The following MDM4 variants were observed in gnomAD, a reference collection of about 807,000 sequenced individuals.
The protein encoded by MDM4 is protein Mdm4.
In MDM4, 2 loss-of-function variants were observed where a neutral mutation model predicts 60.2. The ratio of observed to expected loss-of-function variants is 0.03; its 90% CI spans 0.01 to 0.10. MDM4 has a LOEUF of 0.10. Ranked by LOEUF, MDM4 falls within the 10% of genes least tolerant of loss-of-function variation. The probability of loss-of-function intolerance (pLI) is 1.00; values close to 1 mark genes in which losing one functional copy is unlikely to be tolerated. For missense variants in MDM4, 447 were observed against 577.5 expected (o/e 0.77, Z 2.32); for synonymous variants, 202 against 198.1 (o/e 1.02, Z -0.17).
At chr1:204,529,752 T>C in intron 3 of MDM4, 1 of 444,726 alleles carries the variant, frequency 2.2e-6, no homozygotes, top group Non-Finnish European at 4.1e-6. Context: ...TATATCATTA[T>C]AGTGGTTATG....
intron 3 of MDM4, chr1:204,529,575 A>G: frequency 1.4e-6 from 2 of 1,425,482 alleles, no homozygotes; most frequent in East Asian, 4.9e-5. Context: ...ACCAGGGGGT[A>G]GCACGCTGCC....
intron 5 of MDM4, chr1:204,532,574 G>A (rs1464856278): frequency 2.1e-5 from 12 of 580,680 alleles, no homozygotes; most frequent in Non-Finnish European, 3.6e-5. Context: ...AATTTAACAT[G>A]TAATTCCATA....
intron 7 of MDM4, among the ~76,000 whole-genome samples, chr1:204,540,368 T>G (rs1488457069): frequency 6.6e-6 from 1 of 152,128 alleles, no homozygotes; most frequent in African/African-American, 2.4e-5. Flanking sequence ...CCAGAAAAAT[T>G]GTTTTTGCCC....
At chr1:204,522,266 G>T (rs1395265197) in intron 1 of MDM4, among the ~76,000 whole-genome samples, 1 of 152,068 alleles carries the variant, frequency 6.6e-6, no homozygotes, top group Non-Finnish European at 1.5e-5. Flanking sequence ...AGGTTGAAAG[G>T]CTGCAGTGAG....
intron 5 of MDM4, among the ~76,000 whole-genome samples, chr1:204,533,206 A>G (rs1003819992): frequency 6.6e-6 from 1 of 152,232 alleles, no homozygotes; most frequent in African/African-American, 2.4e-5. Flanking sequence ...GGAGTCTCCA[A>G]AATGGTGGTC....
At chr1:204,529,715 A>T (rs796842460) in intron 3 of MDM4, 21 of 531,392 alleles carry the variant, frequency 4.0e-5, no homozygotes, top group African/African-American at 3.6e-4. Context: ...GACGTCACAC[A>T]CAGGCAAGGG....
In MDM4 at chr1:204,538,210, A is replaced by G. The variant is rs755704621; in HGVS notation, c.413A>G (p.Gln138Arg). Residue 138 changes from glutamine (Q) to arginine (R), a missense_variant and splice_region_variant, in exon 7 of 11, where the codon CAA becomes CGA. Gln to Arg is a conservative substitution (Grantham distance 43). Transcript: ENST00000367182. The part of the protein sequence containing the change: ...MDIPSQDQLK[Q>R]SAEESSTSRK... Reference sequence around the variant, plus strand: ...ATGGACACCTTTCCCTTCTTTCAGCAAAGTGCAGAGGAAAGTTCCACTTCC... The same window carrying G: ...ATGGACACCTTTCCCTTCTTTCAGCGAAGTGCAGAGGAAAGTTCCACTTCC... 1.9e-6 allele frequency: 3 copies of G among 1,589,668 alleles called. No homozygotes were observed. The highest frequency in any genetic ancestry group is 2.2e-5 in the South Asian group (2 of 90,486).
At position 204,540,695 on chromosome 1, in the gene MDM4, A is replaced by C. The variant is rs148736855; in HGVS notation, c.512-2089A>C. Among the ~76,000 whole-genome samples, 908 of 151,666 alleles carry C rather than the reference A, an allele frequency of 6.0e-3. 11 individuals are homozygous for C. Among genetic ancestry groups the C allele is most frequent in the African/African-American group, 0.02 (841 of 41,350 alleles). The stretch of plus-strand genomic sequence containing the variant: ...GGATAATTGCTTGAACCCGGGAGGC[A>C]GAGGTTGCAGTGAGCCGAGATCGCG... On this transcript the variant is annotated intron_variant, in intron 7 of 10. Transcript: ENST00000367182.
rs775511156 is a variant in MDM4, at chr1:204,556,897, A to G, written c.*7215A>G. On this transcript the variant is annotated 3_prime_UTR_variant, in exon 11 of 11. Transcript: ENST00000367182. The stretch of plus-strand genomic sequence containing the variant: ...ACTTGGCAAGGTAGACCTCATAGCA[A>G]CCTTGAATATGACTTTCTTTAGTCT... 2.9e-5 allele frequency: 6 copies of G among 208,768 alleles called. No homozygotes were observed. Among genetic ancestry groups the G allele is most frequent in the African/African-American group, 1.4e-4 (6 of 43,928 alleles). 12.9% of individuals were successfully genotyped at this position (208,768 alleles called of 1,614,324 possible). A position where few individuals can be genotyped will look rare whatever the true frequency, so the allele number is the denominator to read the frequency against.
intron 3 of MDM4, 91 bp downstream of exon 3, chr1:204,526,525 G>T (rs2102324416): frequency 1.1e-6 from 1 of 906,160 alleles, no homozygotes; most frequent in Non-Finnish European, 1.7e-6. Context: ...GTGCAGTGGT[G>T]CGATCTCAGA....
chr1:204,529,148 G>T, intron 3 of MDM4: 2 of 996,700 alleles, frequency 2.0e-6, no homozygotes, highest in Non-Finnish European at 1.6e-6. Context: ...TTCCACTGCT[G>T]GATGAATTTC....
At chr1:204,540,240 GT>G (rs1466427106) in intron 7 of MDM4, among the ~76,000 whole-genome samples, 1 of 151,196 alleles carries the variant, frequency 6.6e-6, no homozygotes, top group Non-Finnish European at 1.5e-5. Flanking sequence ...AGCCGAGATT[GT>G]GCCACTGCAC....
intron 3 of MDM4, chr1:204,529,157 TC>T: frequency 2.1e-6 from 2 of 934,064 alleles, no homozygotes; most frequent in Admixed American, 3.8e-5. Flanking sequence ...TGGATGAATT[TC>T]CACAGGGCTG....
At chr1:204,546,771 C>G in intron 9 of MDM4, 26 bp from the exon 10 acceptor site, 1 of 1,514,702 alleles carries the variant, frequency 6.6e-7, no homozygotes, top group South Asian at 1.1e-5. Flanking sequence ...GTAAACATTA[C>G]TAATGAGATG....
chr1:204,549,668 G>A lies in MDM4; in HGVS notation c.1459G>A (p.Val487Ile). ...GAAAGAGATTCAGCTGGTTATTAAG[G>A]TTTTTATAGCATAATGGTAGTACGA... is the stretch of plus-strand genomic sequence containing the variant. ...CKKEIQLVIK[V>I]FIA Residue 487 changes from valine to isoleucine, a missense_variant, in exon 11 of 11, where the codon GTT becomes ATT. Physicochemically the swap from Val to Ile is conservative, Grantham distance 29. This residue lies in a region of MDM4 where 26 missense variants were observed against 70.0 expected (regional missense o/e 0.37). Transcript: ENST00000367182. The A allele has an allele frequency of 6.4e-7, 1 of 1,551,168 alleles. No homozygotes were observed. Among genetic ancestry groups the A allele is most frequent in the Non-Finnish European group, 8.7e-7 (1 of 1,150,692 alleles).
intron 3 of MDM4, chr1:204,528,859 C>A: frequency 6.4e-7 from 1 of 1,565,968 alleles, no homozygotes; most frequent in Non-Finnish European, 8.8e-7. Flanking sequence ...AGCATCCGAG[C>A]TGTCATGGTG....
chr1:204,537,546 C>T (rs1056726679), intron 6 of MDM4, 49 bp downstream of exon 6: 4 of 1,325,032 alleles, frequency 3.0e-6, no homozygotes, highest in Non-Finnish European at 4.4e-6. Flanking sequence ...GTGGCCCCTT[C>T]TCTGTACCTA....
chr1:204,537,278 C>T, intron 5 of MDM4, 152 bp from the exon 6 acceptor site: 1 of 545,256 alleles, frequency 1.8e-6, no homozygotes, highest in African/African-American at 1.9e-5. Flanking sequence ...TTTGATTTTT[C>T]CCTTGCAAAT....
Position 204,532,269 on chromosome 1 carries a change from A to G in MDM4, c.343+23A>G, listed in dbSNP as rs767336060. 4 of 1,494,062 alleles carry G rather than the reference A, an allele frequency of 2.7e-6. No individual in the cohort carries two copies. The African/African-American group carries it at 4.1e-5, about 15-fold the overall frequency. 92.6% of individuals were successfully genotyped at this position (1,494,062 alleles called of 1,614,324 possible). On this transcript the variant is annotated intron_variant, in intron 5 of 10. Transcript: ENST00000367182. Reference sequence around the variant, plus strand: ...CAGGTATGTCACATCATATTTCTTCAGTCTGTATCACAGCTTTGAGTTCAA... The same window carrying G: ...CAGGTATGTCACATCATATTTCTTCGGTCTGTATCACAGCTTTGAGTTCAA...
Sources: gnomAD v4.1 joint callset for allele counts (sites outside exome capture counted in the v4.1 genomes callset) on GRCh38, gnomAD v4.1.1 for gene constraint, gnomAD v4.1.1 regional missense constraint, MANE v1.5 for transcripts, NCBI Gene and HGNC (gene_info 2026-07-23, HGNC 2026-07-21) for gene names.